The following SARS2 variants were observed in gnomAD, a reference collection of about 807,000 sequenced individuals.
SARS2 encodes the protein serine--tRNA ligase, mitochondrial.
SARS2 carries 52 observed loss-of-function variants against 66.8 expected under a neutral mutation model. The observed-to-expected ratio is 0.78, with a 90% confidence interval of 0.62 to 0.98. SARS2 has a LOEUF of 0.98. Among genes scored for constraint, SARS2 ranks in the 50% least tolerant of loss-of-function variants. SARS2 has a pLI of 0.00. For missense variants in SARS2, 673 were observed against 706.3 expected (o/e 0.95, Z 0.53); for synonymous variants, 306 against 281.4 (o/e 1.09, Z -0.87).
At chr19:38,921,267 T>A (rs1974529314) in intron 5 of SARS2, 125 bp downstream of exon 5, 2 of 1,024,182 alleles carry the variant, frequency 2.0e-6, no homozygotes, top group East Asian at 2.6e-5. Context: ...TGGAGCCACC[T>A]CCTGTACCGC....
chr19:38,920,018 G>A (rs1217115363), intron 6 of SARS2, 68 bp downstream of exon 6: 4 of 1,451,398 alleles, frequency 2.8e-6, no homozygotes, highest in South Asian at 2.4e-5. Context: ...AGGCCAATGA[G>A]GCAGGAGCCA....
chr19:38,930,556 C>G lies in SARS2; in HGVS notation c.181G>C (p.Glu61Gln). ...TCTTCTGGGCATGCGCAGAACCGCT[C>G]TATGTCCAGCTGAGGGAGTGCGCTG... ...GYSALPQLDI[E>Q]RFCACPEEAA... Residue 61 changes from glutamate to glutamine, a missense_variant, in exon 1 of 16, where the codon GAG (glutamate) becomes CAG (glutamine). Coordinates refer to ENST00000221431, the MANE Select transcript of SARS2 (RefSeq NM_017827.4). The G allele has an allele frequency of 6.2e-7, 1 of 1,613,880 alleles. No individual in the cohort carries two copies. Among genetic ancestry groups the G allele is most frequent in the Non-Finnish European group, 8.5e-7 (1 of 1,180,018 alleles).
rs759277988 is a variant in SARS2, at chr19:38,916,332, G to A, written c.1161-18C>T. ...CCAGGACCCTGCGGTCAAGGACGAAGGTGTGGGGAAGGTCAGCGGGTGAGA... is the reference window on the plus strand; with the variant it reads ...CCAGGACCCTGCGGTCAAGGACGAAAGTGTGGGGAAGGTCAGCGGGTGAGA... On this transcript the variant is annotated intron_variant, in intron 12 of 15. Transcript: ENST00000221431. 6.2e-7 allele frequency: 1 copy of A among 1,609,412 alleles called. No individual in the cohort carries two copies. Among genetic ancestry groups the A allele is most frequent in the Admixed American group, 1.7e-5 (1 of 60,012 alleles).
intron 5 of SARS2, 54 bp from the exon 6 acceptor site, chr19:38,920,203 C>A (rs1974495237): frequency 1.4e-6 from 2 of 1,415,748 alleles, no homozygotes; most frequent in Middle Eastern, 1.7e-4. Flanking sequence ...AGGGATGGGG[C>A]CCAGATAGAA....
intron 2 of SARS2, among the ~76,000 whole-genome samples, chr19:38,924,404 C>T (rs1974595043): frequency 6.6e-6 from 1 of 152,216 alleles, no homozygotes; most frequent in African/African-American, 2.4e-5. Flanking sequence ...CAGGACCTCC[C>T]TGGGCAGGGC....
At position 38,915,578 on chromosome 19, in the gene SARS2, AC is replaced by A. The variant is rs1306725592; in HGVS notation, c.*27del. Reference sequence around the variant, plus strand: ...CTCCTGAACTCCAGGAAGCAGTGACACCCCCGAGGGCTGCTGTGGGTGGGTT... The same window carrying A: ...CTCCTGAACTCCAGGAAGCAGTGACACCCCGAGGGCTGCTGTGGGTGGGTT... On this transcript the variant is annotated 3_prime_UTR_variant, in exon 16 of 16. Coordinates refer to ENST00000221431, the MANE Select transcript of SARS2 (RefSeq NM_017827.4). 1 of 1,608,784 alleles carries A rather than the reference AC, an allele frequency of 6.2e-7. No homozygotes were observed.
intron 8 of SARS2, 58 bp downstream of exon 8, chr19:38,918,708 C>G (rs1346005063): frequency 1.3e-6 from 2 of 1,539,378 alleles, no homozygotes; most frequent in African/African-American, 2.7e-5. Context: ...CTGCCTCGGG[C>G]ACCCACGGCA....
chr19:38,930,673 C>T lies in SARS2; in HGVS notation c.64G>A (p.Gly22Arg). ...GGACTATCGTTGGAGATGCAGCCTC[C>T]CCGGGGCCGGAACCCCCGACGAGTC... is the stretch of plus-strand genomic sequence containing the variant. ...LLTRRGFRPR[G>R]GCISNDSPRR... Residue 22 changes from glycine (G) to arginine (R), a missense_variant, in exon 1 of 16, where the codon GGA (glycine) becomes AGA (arginine). Physicochemically the swap from Gly to Arg is moderately radical, Grantham distance 125. Coordinates refer to ENST00000221431, the MANE Select transcript of SARS2 (RefSeq NM_017827.4). 2 of 1,614,082 alleles carry T rather than the reference C, an allele frequency of 1.2e-6. No individual in the cohort carries two copies. The highest frequency in any genetic ancestry group is 1.7e-5 in the Admixed American group (1 of 60,034).
intron 2 of SARS2, among the ~76,000 whole-genome samples, chr19:38,923,816 G>GA (rs576209700): frequency 2.0e-5 from 3 of 151,848 alleles, no homozygotes; most frequent in Non-Finnish European, 4.4e-5. Flanking sequence ...TAAAAATACA[G>GA]AAAAAAAATT....
intron 1 of SARS2, among the ~76,000 whole-genome samples, chr19:38,928,868 A>AGGTAGT (rs1974675261): frequency 6.6e-6 from 1 of 152,182 alleles, no homozygotes; most frequent in South Asian, 2.1e-4. Flanking sequence ...TGATTACTCT[A>AGGTAGT]GGTAGTCAAA....
Position 38,915,845 on chromosome 19 carries a change from T to C in SARS2, c.1409A>G (p.Gln470Arg). ...LLIALLESNQ[Q>R]KDGSVLVPPA... ...GTGGGCCCCTCAGCCCCTCACCTTC[T>C]GCTGGTTACTCTCCAGGAGCGCGAT... Residue 470 changes from glutamine to arginine, a missense_variant, in exon 15 of 16, where the codon CAG becomes CGG. Physicochemically the swap from Gln to Arg is conservative, Grantham distance 43. Coordinates refer to ENST00000221431, the MANE Select transcript of SARS2 (RefSeq NM_017827.4). 1.9e-6 allele frequency: 3 copies of C among 1,613,716 alleles called. No homozygotes were observed. The highest frequency in any genetic ancestry group is 2.5e-6 in the Non-Finnish European group (3 of 1,179,988).
At chr19:38,928,917 A>G (rs548849850) in intron 1 of SARS2, among the ~76,000 whole-genome samples, 98 of 152,322 alleles carry the variant, frequency 6.4e-4, no homozygotes, top group Non-Finnish European at 1.2e-3. Flanking sequence ...GTATAGTTGT[A>G]TATGTTAAAT....
rs1372589077 is a variant in SARS2, at chr19:38,918,114, G to A, written c.942C>T (p.Ala314=). The A allele has an allele frequency of 7.5e-6, 12 of 1,601,170 alleles. No individual in the cohort carries two copies. Among genetic ancestry groups the A allele is most frequent in the African/African-American group, 2.7e-5 (2 of 74,768 alleles). Residue 314 remains alanine, a synonymous_variant, in exon 10 of 16, where the codon GCC becomes GCT. Transcript: ENST00000221431. ...LAGYFMDHTV[A]FRDLPVRMVC... ...GTCACCTGACTGGCAGGTCCCTGAA[G>A]GCCACGGTGTGGTCCATGAAGTAGC...
intron 5 of SARS2, among the ~76,000 whole-genome samples, chr19:38,921,109 C>T (rs1313604036): frequency 6.6e-6 from 1 of 152,058 alleles, no homozygotes; most frequent in Non-Finnish European, 1.5e-5. Context: ...CACACAGTCA[C>T]ACAACACATA....
intron 11 of SARS2, 44 bp from the exon 12 acceptor site, chr19:38,917,877 G>GT (rs769981732): frequency 1.2e-6 from 2 of 1,613,086 alleles, no homozygotes; most frequent in African/African-American, 1.3e-5. Context: ...GAGCTCTTGG[G>GT]GTGGCCCCCC....
At position 38,930,594 on chromosome 19, in the gene SARS2, G is replaced by A. The variant is rs749638100; in HGVS notation, c.143C>T (p.Ala48Val). 1.2e-6 allele frequency: 2 copies of A among 1,614,064 alleles called. No homozygotes were observed. Among genetic ancestry groups the A allele is most frequent in the Middle Eastern group, 1.6e-4 (1 of 6,062 alleles). The change falls in exon 1 of 16, where the codon GCG (alanine) becomes GTG (valine). Residue 48 changes from alanine to valine, a missense_variant. Ala to Val is a moderately conservative substitution (Grantham distance 64). Transcript: ENST00000221431. ...AGGGAGTGCGCTGTAGCCCTCGCGC[G>A]CATACTCGTACAGGAGGTTCCGGTT... ...KRNRNLLYEY[A>V]REGYSALPQL...
At chr19:38,921,470 C>T (rs371744458) in intron 4 of SARS2, 24 bp from the exon 5 acceptor site, 29 of 1,614,024 alleles carry the variant, frequency 1.8e-5, no homozygotes, top group East Asian at 2.2e-5. Context: ...GCAGGAGTCA[C>T]GGAAAGGTGG....
intron 9 of SARS2, 108 bp downstream of exon 9, chr19:38,918,314 G>T (rs1974455170): frequency 7.6e-6 from 9 of 1,187,620 alleles, no homozygotes; most frequent in African/African-American, 6.0e-5. Context: ...TGGCCCTGGG[G>T]CTGCTGAGCT....
Position 38,919,803 on chromosome 19 carries a change from G to A in SARS2, c.718C>T (p.His240Tyr). 6.2e-7 allele frequency: 1 copy of A among 1,614,216 alleles called. No homozygotes were observed. The highest frequency in any genetic ancestry group is 8.5e-7 in the Non-Finnish European group (1 of 1,180,032). Reference sequence around the variant, plus strand: ...TTGAATGTGAAGTTGACCAGGCCGTGCTGCAGGAGGGCTCCAGCCCCGCGC... The same window carrying A: ...TTGAATGTGAAGTTGACCAGGCCGTACTGCAGGAGGGCTCCAGCCCCGCGC... ...YLRGAGALLQ[H>Y]GLVNFTFNKL... Residue 240 changes from histidine (H) to tyrosine (Y), a missense_variant, in exon 7 of 16, where the codon CAC becomes TAC. By Grantham distance (83) the His-to-Tyr change is moderately conservative (BLOSUM62 2). Coordinates refer to ENST00000221431, the MANE Select transcript of SARS2 (RefSeq NM_017827.4).
Sources: allele counts gnomAD v4.1 joint callset (sites outside exome capture counted in the v4.1 genomes callset), GRCh38; gene constraint gnomAD v4.1.1; transcripts MANE v1.5; gene names NCBI Gene and HGNC (gene_info 2026-07-23, HGNC 2026-07-21).